The following RPS6KC1 variants were observed in gnomAD, a reference collection of about 807,000 sequenced individuals.
RPS6KC1 encodes the protein inactive ribosomal protein S6 kinase delta-1.
A neutral mutation model predicts 103.8 loss-of-function variants in RPS6KC1; 54 were observed. The ratio of observed to expected loss-of-function variants is 0.52; its 90% CI spans 0.42 to 0.65. RPS6KC1 has a LOEUF of 0.65. RPS6KC1 is among the 30% of genes least tolerant of loss of function. The probability of loss-of-function intolerance (pLI) is 0.00; values close to 1 mark genes in which losing one functional copy is unlikely to be tolerated. For synonymous variants in RPS6KC1, 439 were observed against 438.7 expected (o/e 1.00, Z -0.01); for missense variants, 1,151 against 1,253.8 (o/e 0.92, Z 1.24).
chr1:213,763,980 T>C, the RPS6KC1 span, among the ~76,000 whole-genome samples: 2 of 152,240 alleles, frequency 1.3e-5, no homozygotes, highest in Admixed American at 6.5e-5. Flanking sequence ...TCTGTATATT[T>C]TATTCATACG....
At chr1:213,607,336 T>C in the RPS6KC1 span, among the ~76,000 whole-genome samples, 1 of 152,256 alleles carries the variant, frequency 6.6e-6, no homozygotes, top group Admixed American at 6.5e-5. Flanking sequence ...CAGAACAATA[T>C]AGTCTTAGAG....
chr1:213,716,137 T>TA, the RPS6KC1 span, among the ~76,000 whole-genome samples: 2 of 152,208 alleles, frequency 1.3e-5, no homozygotes, highest in Non-Finnish European at 2.9e-5. Flanking sequence ...TTCTATAATA[T>TA]AAAAGTCTAT....
At chr1:213,581,330 C>CA in the RPS6KC1 span, among the ~76,000 whole-genome samples, 1 of 152,106 alleles carries the variant, frequency 6.6e-6, no homozygotes, top group Non-Finnish European at 1.5e-5. Context: ...ATGTTGTATT[C>CA]TTCCTTAGTT....
the RPS6KC1 span, among the ~76,000 whole-genome samples, chr1:213,441,307 A>G: frequency 6.6e-6 from 1 of 151,906 alleles, no homozygotes; most frequent in Non-Finnish European, 1.5e-5. Context: ...GGGAGTCACT[A>G]CCTTAAATTT....
At chr1:213,151,118 G>A (rs536024218) in intron 6 of RPS6KC1, among the ~76,000 whole-genome samples, 6 of 148,026 alleles carry the variant, frequency 4.1e-5, no homozygotes, top group African/African-American at 1.5e-4. Context: ...GCTGGGCGGG[G>A]GGCTGACCCC....
chr1:213,741,190 G>A, the RPS6KC1 span, among the ~76,000 whole-genome samples: 1 of 151,314 alleles, frequency 6.6e-6, no homozygotes, highest in Non-Finnish European at 1.5e-5. Context: ...TTTACATTGT[G>A]GAATGATTAA....
chr1:213,365,723 G>A, the RPS6KC1 span, among the ~76,000 whole-genome samples: 21 of 152,278 alleles, frequency 1.4e-4, no homozygotes, highest in African/African-American at 3.9e-4. Flanking sequence ...GAGAACATGA[G>A]CTAATACCCA....
At chr1:213,682,571 A>G in the RPS6KC1 span, among the ~76,000 whole-genome samples, 1 of 152,222 alleles carries the variant, frequency 6.6e-6, no homozygotes, top group Non-Finnish European at 1.5e-5. Flanking sequence ...CTGAAAAGTG[A>G]TGTAAAGTTC....
At chr1:213,300,271 C>G in the RPS6KC1 span, among the ~76,000 whole-genome samples, 1 of 152,120 alleles carries the variant, frequency 6.6e-6, no homozygotes, top group Non-Finnish European at 1.5e-5. Context: ...GTAATAGCAA[C>G]TTTTCACTTA....
the RPS6KC1 span, among the ~76,000 whole-genome samples, chr1:213,507,632 C>T: frequency 6.6e-6 from 1 of 151,150 alleles, no homozygotes; most frequent in African/African-American, 2.4e-5. Flanking sequence ...CCCTGGTGGA[C>T]ACACTGCATT....
chr1:213,753,402 G>A, the RPS6KC1 span, among the ~76,000 whole-genome samples: 3 of 152,022 alleles, frequency 2.0e-5, no homozygotes, highest in South Asian at 2.1e-4. Context: ...GTGATCACTC[G>A]GTCCAAGAAA....
At chr1:213,767,714 G>A in the RPS6KC1 span, among the ~76,000 whole-genome samples, 2 of 152,184 alleles carry the variant, frequency 1.3e-5, no homozygotes, top group African/African-American at 2.4e-5. Context: ...AACCATAAAT[G>A]CTACTTAATT....
chr1:213,514,446 G>A, the RPS6KC1 span, among the ~76,000 whole-genome samples: 4 of 138,866 alleles, frequency 2.9e-5, no homozygotes, highest in African/African-American at 1.1e-4. Context: ...TGTTCTCATT[G>A]TTGAATTCCC....
chr1:213,098,527 G>A (rs146296906), intron 3 of RPS6KC1, among the ~76,000 whole-genome samples: 126 of 152,054 alleles, frequency 8.3e-4, no homozygotes, highest in Middle Eastern at 3.4e-3. Context: ...AGGTTAATTG[G>A]TGTACTTTCA....
At chr1:213,658,853 C>A in the RPS6KC1 span, among the ~76,000 whole-genome samples, 2 of 152,198 alleles carry the variant, frequency 1.3e-5, no homozygotes, top group African/African-American at 4.8e-5. Context: ...CTGAATTTAA[C>A]CTTGACTGGG....
the RPS6KC1 span, among the ~76,000 whole-genome samples, chr1:213,623,687 A>C: frequency 2.0e-5 from 3 of 152,178 alleles, no homozygotes; most frequent in Admixed American, 2.0e-4. Context: ...CATATTAGCT[A>C]TTCAGTGAGT....
At chr1:213,733,545 T>TGA in the RPS6KC1 span, among the ~76,000 whole-genome samples, 1 of 67,692 alleles carries the variant, frequency 1.5e-5, no homozygotes, top group East Asian at 4.2e-4. Flanking sequence ...CTATTTTTAG[T>TGA]TTGTTTTTTT....
chr1:213,811,254 C>G, the RPS6KC1 span, among the ~76,000 whole-genome samples: 1 of 152,204 alleles, frequency 6.6e-6, no homozygotes, highest in Non-Finnish European at 1.5e-5. Flanking sequence ...TGTATCTGCT[C>G]TGCATGGGAC....
intron 6 of RPS6KC1, among the ~76,000 whole-genome samples, chr1:213,166,768 A>G (rs1283336956): frequency 6.6e-6 from 1 of 152,194 alleles, no homozygotes; most frequent in African/African-American, 2.4e-5. Context: ...GTATTTAGTC[A>G]GGATTCTTTG....
Sources: gnomAD v4.1 joint callset for allele counts (sites outside exome capture counted in the v4.1 genomes callset) on GRCh38, gnomAD v4.1.1 for gene constraint, MANE v1.5 for transcripts, NCBI Gene and HGNC (gene_info 2026-07-23, HGNC 2026-07-21) for gene names.